MPPED2: variants seen among roughly 807,000 people sequenced by gnomAD.
The protein encoded by MPPED2 is metallophosphoesterase domain containing 2, also known as metallophosphoesterase MPPED2.
MPPED2 carries 5 observed loss-of-function variants against 33.0 expected under a neutral mutation model. That is an observed-to-expected ratio of 0.15 (90% CI 0.08 to 0.32). The LOEUF (loss-of-function observed/expected upper bound fraction) is 0.32. Among genes scored for constraint, MPPED2 ranks in the 10% least tolerant of loss-of-function variants. The pLI is 1.00. For synonymous variants in MPPED2, 136 were observed against 141.9 expected (o/e 0.96, Z 0.29); for missense variants, 275 against 372.1 (o/e 0.74, Z 2.15).
intron 6 of MPPED2, among the ~76,000 whole-genome samples, chr11:30,400,591 C>A (rs534464239): frequency 1.3e-5 from 2 of 152,294 alleles, no homozygotes; most frequent in East Asian, 3.9e-4. Flanking sequence ...CACTCATTAA[C>A]CTGTCATGAG....
chr11:30,384,281 T>A (rs937941030), downstream of MPPED2, among the ~76,000 whole-genome samples: 1 of 152,146 alleles, frequency 6.6e-6, no homozygotes. Context: ...CAGGAATCAA[T>A]AACCAAGTTT....
At chr11:30,390,784 G>A (rs1433278397) in intron 6 of MPPED2, among the ~76,000 whole-genome samples, 1 of 152,198 alleles carries the variant, frequency 6.6e-6, no homozygotes, top group Non-Finnish European at 1.5e-5. Context: ...TGGGCCCAAA[G>A]GTTGAGATGG....
chr11:30,519,294 A>G (rs1953713536), intron 3 of MPPED2, among the ~76,000 whole-genome samples: 1 of 152,034 alleles, frequency 6.6e-6, no homozygotes, highest in East Asian at 1.9e-4. Flanking sequence ...AACAAAATAT[A>G]TACGTACACA....
intron 3 of MPPED2, among the ~76,000 whole-genome samples, chr11:30,519,448 G>A (rs1431831378): frequency 6.6e-6 from 1 of 151,702 alleles, no homozygotes; most frequent in African/African-American, 2.4e-5. Flanking sequence ...ACATATAATA[G>A]TACTGATGGT....
At chr11:30,474,908 T>C (rs887597612) in intron 4 of MPPED2, among the ~76,000 whole-genome samples, 1 of 152,094 alleles carries the variant, frequency 6.6e-6, no homozygotes, top group Non-Finnish European at 1.5e-5. Context: ...TGCTCCAAGA[T>C]TTCAAGCACA....
At chr11:30,446,814 A>G (rs1194894648) in intron 4 of MPPED2, among the ~76,000 whole-genome samples, 2 of 152,114 alleles carry the variant, frequency 1.3e-5, no homozygotes, top group Non-Finnish European at 2.9e-5. Context: ...GCCCCCCCCG[A>G]CGCCAAGTCC....
downstream of MPPED2, among the ~76,000 whole-genome samples, chr11:30,407,740 A>T (rs1452999489): frequency 6.6e-6 from 1 of 152,102 alleles, no homozygotes; most frequent in Non-Finnish European, 1.5e-5. Context: ...GCGCGGTGGC[A>T]CGAGCCTGCA....
At chr11:30,545,194 G>T (rs1458733) in intron 2 of MPPED2, among the ~76,000 whole-genome samples, 1 of 152,128 alleles carries the variant, frequency 6.6e-6, no homozygotes, top group African/African-American at 2.4e-5. Context: ...AGGGAAAGCT[G>T]AATTTTAGGA....
chr11:30,553,304 ACTTG>A (rs748796069), intron 2 of MPPED2, among the ~76,000 whole-genome samples: 3 of 152,200 alleles, frequency 2.0e-5, no homozygotes, highest in Non-Finnish European at 4.4e-5. Flanking sequence ...ACAATGTAGA[ACTTG>A]CAATAGTCAT....
chr11:30,440,141 C>T (rs1949501392), intron 4 of MPPED2, among the ~76,000 whole-genome samples: 2 of 152,036 alleles, frequency 1.3e-5, no homozygotes, highest in African/African-American at 2.4e-5. Flanking sequence ...ACCAGCCTGG[C>T]CAACATGGTG....
chr11:30,471,396 C>T (rs1206783182), intron 4 of MPPED2, among the ~76,000 whole-genome samples: 1 of 152,194 alleles, frequency 6.6e-6, no homozygotes, highest in Non-Finnish European at 1.5e-5. Context: ...ACTCTCTCAC[C>T]CGGCACATGA....
chr11:30,442,521 G>T (rs957088285), intron 4 of MPPED2, among the ~76,000 whole-genome samples: 1 of 152,168 alleles, frequency 6.6e-6, no homozygotes, highest in Non-Finnish European at 1.5e-5. Context: ...GTGATGTGTT[G>T]TCATTCACTT....
chr11:30,477,587 T>G (rs930186504), intron 4 of MPPED2, among the ~76,000 whole-genome samples: 1 of 152,058 alleles, frequency 6.6e-6, no homozygotes, highest in African/African-American at 2.4e-5. Flanking sequence ...TCTATTAACC[T>G]TTCTATATGT....
At chr11:30,421,674 A>G (rs888555302) in intron 4 of MPPED2, among the ~76,000 whole-genome samples, 9 of 152,122 alleles carry the variant, frequency 5.9e-5, no homozygotes, top group African/African-American at 1.9e-4. Flanking sequence ...CAAGATCTGA[A>G]CCCAGATCTG....
chr11:30,543,554 T>G (rs1367446421), intron 2 of MPPED2, among the ~76,000 whole-genome samples: 1 of 152,226 alleles, frequency 6.6e-6, no homozygotes, highest in African/African-American at 2.4e-5. Context: ...TTTGCAATTT[T>G]ATTTTATGCT....
intron 6 of MPPED2, among the ~76,000 whole-genome samples, chr11:30,396,213 C>A (rs1043341804): frequency 2.6e-5 from 4 of 152,238 alleles, no homozygotes; most frequent in Non-Finnish European, 5.9e-5. Context: ...CATTCATGGA[C>A]AATATAACCT....
chr11:30,569,248 C>A (rs1258962915), intron 2 of MPPED2, among the ~76,000 whole-genome samples: 1 of 152,092 alleles, frequency 6.6e-6, no homozygotes, highest in Non-Finnish European at 1.5e-5. Flanking sequence ...TATTTCCCTT[C>A]CGAATTCTCA....
At chr11:30,454,816 A>G (rs7927901) in intron 4 of MPPED2, among the ~76,000 whole-genome samples, 28,437 of 152,148 alleles carry the variant, frequency 0.19, 2,877 homozygotes, top group East Asian at 0.28. Flanking sequence ...AAAGCACTTA[A>G]AAAAAATCAG....
chr11:30,414,473 A>G, intron 5 of MPPED2, 132 bp from the exon 6 acceptor site: 1 of 528,034 alleles, frequency 1.9e-6, no homozygotes, highest in Non-Finnish European at 3.4e-6. Flanking sequence ...ATTAAAGCTC[A>G]CAATGGCTTT....
Sources: gnomAD v4.1 joint callset for allele counts (sites outside exome capture counted in the v4.1 genomes callset) on GRCh38, gnomAD v4.1.1 for gene constraint, MANE v1.5 for transcripts, NCBI Gene and HGNC (gene_info 2026-07-23, HGNC 2026-07-21) for gene names.